The following CFAP96 variants were observed in gnomAD, a reference collection of about 807,000 sequenced individuals.
The protein encoded by CFAP96 is cilia-and flagella-associated protein 96.
At chr4:185,449,373 T>G in the CFAP96 span, among the ~76,000 whole-genome samples, 1 of 151,984 alleles carries the variant, frequency 6.6e-6, no homozygotes, top group South Asian at 2.1e-4. Context: ...ATATAAAAAT[T>G]AGCCAGGCAT....
chr4:185,429,363 G>C, the CFAP96 span: 1 of 1,146,244 alleles, frequency 8.7e-7, no homozygotes, highest in Non-Finnish European at 1.2e-6. Context: ...TGACCCTAGG[G>C]AAACTTTTGA....
the CFAP96 span, among the ~76,000 whole-genome samples, chr4:185,421,557 C>G: frequency 5.3e-5 from 8 of 152,202 alleles, no homozygotes; most frequent in Non-Finnish European, 1.2e-4. Context: ...ATGTGATACA[C>G]TGCCCCCTCC....
At chr4:185,449,721 T>C in the CFAP96 span, 1 of 1,017,518 alleles carries the variant, frequency 9.8e-7, no homozygotes, top group Non-Finnish European at 1.4e-6. Flanking sequence ...TGAAAAAATA[T>C]AAGATGTTAT....
chr4:185,436,279 C>T, the CFAP96 span: 1 of 1,550,458 alleles, frequency 6.4e-7, no homozygotes, highest in South Asian at 1.2e-5. Context: ...ACTTTGCTTT[C>T]TTAGCTATGC....
At chr4:185,447,186 C>CT in the CFAP96 span, among the ~76,000 whole-genome samples, 69 of 139,652 alleles carry the variant, frequency 4.9e-4, no homozygotes, top group African/African-American at 1.2e-3. Context: ...TATATTTTTT[C>CT]TTTTTTTTTT....
chr4:185,418,624 C>T, the CFAP96 span: 6 of 1,613,464 alleles, frequency 3.7e-6, no homozygotes, highest in Admixed American at 3.3e-5. Flanking sequence ...GCAGAAGCAT[C>T]AGTCAGTTCT....
the CFAP96 span, among the ~76,000 whole-genome samples, chr4:185,413,347 C>T: frequency 1.3e-5 from 2 of 152,082 alleles, no homozygotes; most frequent in African/African-American, 4.8e-5. Context: ...GAGATCACAC[C>T]ATTGCACTAC....
chr4:185,439,856 GT>G, the CFAP96 span, among the ~76,000 whole-genome samples: 19 of 145,400 alleles, frequency 1.3e-4, no homozygotes, highest in East Asian at 6.0e-4. Flanking sequence ...CATATAAAAT[GT>G]TTTTTTAAAT....
At chr4:185,419,256 C>T in the CFAP96 span, among the ~76,000 whole-genome samples, 428 of 152,182 alleles carry the variant, frequency 2.8e-3, 2 homozygotes, top group Middle Eastern at 0.014. Flanking sequence ...CTCAGCCTCC[C>T]GAGTAGCTGG....
the CFAP96 span, among the ~76,000 whole-genome samples, chr4:185,431,321 A>G: frequency 1.3e-5 from 2 of 152,186 alleles, no homozygotes; most frequent in Non-Finnish European, 2.9e-5. Context: ...GCTCTCCTCA[A>G]ATAGAGCTCT....
the CFAP96 span, among the ~76,000 whole-genome samples, chr4:185,434,955 G>C: frequency 6.6e-6 from 1 of 151,956 alleles, no homozygotes; most frequent in African/African-American, 2.4e-5. Context: ...TGGCCAGGCT[G>C]GTCTCAAACT....
the CFAP96 span, chr4:185,429,483 G>T: frequency 6.5e-7 from 1 of 1,535,224 alleles, no homozygotes; most frequent in Non-Finnish European, 8.8e-7. Context: ...ATATTACTGT[G>T]GGTGATAAAT....
chr4:185,449,767 C>T, the CFAP96 span: 17 of 569,978 alleles, frequency 3.0e-5, no homozygotes, highest in Non-Finnish European at 5.1e-5. Context: ...AGAAATTCTG[C>T]AACTCTAATT....
the CFAP96 span, among the ~76,000 whole-genome samples, chr4:185,410,021 T>C: frequency 8.3e-4 from 126 of 152,320 alleles, no homozygotes; most frequent in African/African-American, 1.4e-3. Context: ...TACATTTTTG[T>C]AGTTTTAAGC....
chr4:185,420,142 G>A, the CFAP96 span, among the ~76,000 whole-genome samples: 1 of 151,458 alleles, frequency 6.6e-6, no homozygotes, highest in East Asian at 1.9e-4. Context: ...TATCCCACTA[G>A]GCCTATATAA....
the CFAP96 span, among the ~76,000 whole-genome samples, chr4:185,420,388 G>A: frequency 6.6e-6 from 1 of 152,138 alleles, no homozygotes; most frequent in Non-Finnish European, 1.5e-5. Flanking sequence ...AGAAGATATA[G>A]TCAAAGAAGA....
At chr4:185,438,670 T>C in the CFAP96 span, among the ~76,000 whole-genome samples, 2 of 152,226 alleles carry the variant, frequency 1.3e-5, no homozygotes, top group Admixed American at 6.5e-5. Flanking sequence ...TATTTTTGTA[T>C]TCTTATAAAT....
At chr4:185,433,418 AG>A in the CFAP96 span, among the ~76,000 whole-genome samples, 1 of 30,344 alleles carries the variant, frequency 3.3e-5, no homozygotes, top group East Asian at 5.6e-3. Context: ...AAAAAAGAAA[AG>A]AAAAGTAATG....
the CFAP96 span, among the ~76,000 whole-genome samples, chr4:185,444,002 G>T: frequency 9.8e-6 from 1 of 102,500 alleles, no homozygotes; most frequent in African/African-American, 3.7e-5. Context: ...GCCGGACTGC[G>T]GACTGCAGTG....
Sources: gnomAD v4.1 joint callset for allele counts (sites outside exome capture counted in the v4.1 genomes callset) on GRCh38, gnomAD v4.1.1 for gene constraint, MANE v1.5 for transcripts, NCBI Gene and HGNC (gene_info 2026-07-23, HGNC 2026-07-21) for gene names.